The following ABCC2 variants were observed in gnomAD, a reference collection of about 807,000 sequenced individuals.
ABCC2 encodes ATP binding cassette subfamily C member 2, also known as ATP-binding cassette sub-family C member 2.
ABCC2 carries 157 observed loss-of-function variants against 173.4 expected under a neutral mutation model. The observed-to-expected ratio is 0.91, with a 90% CI of 0.80 to 1.03. The LOEUF is 1.03. Among genes scored for constraint, ABCC2 ranks in the 50% least tolerant of loss-of-function variants. ABCC2 has a pLI of 0.00. For synonymous variants in ABCC2, 657 were observed against 693.5 expected, an observed-to-expected ratio of 0.95 and a Z score of 0.83; for missense variants, 1,822 against 1,852.3, an observed-to-expected ratio of 0.98 and a Z score of 0.30.
chr10:99,825,469 C>A (rs923648670), intron 19 of ABCC2, among the ~76,000 whole-genome samples: 2 of 152,290 alleles, frequency 1.3e-5, no homozygotes, highest in African/African-American at 4.8e-5. Flanking sequence ...TCTCTGAGAC[C>A]TGACTTGCCC....
chr10:99,807,684 T>A (rs763292630), intron 12 of ABCC2, among the ~76,000 whole-genome samples, 163 bp downstream of exon 12: 1 of 152,240 alleles, frequency 6.6e-6, no homozygotes, highest in African/African-American at 2.4e-5. Flanking sequence ...TCCTCCTTTG[T>A]ACCATACCCC....
intron 19 of ABCC2, among the ~76,000 whole-genome samples, chr10:99,820,517 G>A (rs2133084830): frequency 6.6e-6 from 1 of 152,274 alleles, no homozygotes; most frequent in East Asian, 1.9e-4. Context: ...CCAGCCCTTT[G>A]GAGGCCAAGG....
chr10:99,800,073 G>A (rs1382030663), intron 8 of ABCC2, among the ~76,000 whole-genome samples: 2 of 152,198 alleles, frequency 1.3e-5, no homozygotes, highest in African/African-American at 4.8e-5. Context: ...GATGGCGTAT[G>A]CCTGTAGACC....
chr10:99,832,937 T>G (rs2038764174), intron 23 of ABCC2, among the ~76,000 whole-genome samples: 1 of 152,224 alleles, frequency 6.6e-6, no homozygotes, highest in South Asian at 2.1e-4. Flanking sequence ...CTCACTGATT[T>G]TTTAGTGTAT....
chr10:99,818,691 C>G, intron 17 of ABCC2, 99 bp from the exon 18 acceptor site: 1 of 1,331,848 alleles, frequency 7.5e-7, no homozygotes. Context: ...CCCCTTGACA[C>G]CTTATTGAGA....
chr10:99,800,304 T>C, intron 8 of ABCC2, 82 bp from the exon 9 acceptor site: 1 of 1,418,056 alleles, frequency 7.1e-7, no homozygotes, highest in Non-Finnish European at 9.9e-7. Flanking sequence ...GTAAAGATAG[T>C]GTAGTCTAGC....
intron 19 of ABCC2, among the ~76,000 whole-genome samples, chr10:99,827,946 C>T (rs1427985180): frequency 4.1e-3 from 2 of 486 alleles, no homozygotes; most frequent in East Asian, 0.045. Flanking sequence ...AAAGCCTCCA[C>T]GTTGGGCACC....
chr10:99,799,281 G>C lies in ABCC2; in HGVS notation c.942G>C (p.Leu314=), dbSNP rs770919031. 5 of 1,614,142 alleles carry C rather than the reference G, an allele frequency of 3.1e-6. No individual in the cohort carries two copies. The highest frequency in any genetic ancestry group is 4.2e-6 in the Non-Finnish European group (5 of 1,180,008). Residue 314 remains leucine (L), a synonymous_variant, in exon 8 of 32, where the codon CTG becomes CTC. Coordinates refer to ENST00000647814, the MANE Select transcript of ABCC2 (RefSeq NM_000392.5). ...DVPKSWLMKA[L]FKTFYMVLLK... ...CAAAATCCTGGTTGATGAAGGCTCT[G>C]TTCAAAACTTTCTACATGGTGCTCC...
intron 16 of ABCC2, among the ~76,000 whole-genome samples, chr10:99,815,026 G>A (rs1269277499): frequency 6.7e-5 from 10 of 148,942 alleles, no homozygotes; most frequent in Non-Finnish European, 1.5e-5. Flanking sequence ...GTGTAGGTTT[G>A]TTACATAGGT....
At chr10:99,815,045 G>T (rs569433118) in intron 16 of ABCC2, among the ~76,000 whole-genome samples, 3 of 151,166 alleles carry the variant, frequency 2.0e-5, no homozygotes, top group African/African-American at 7.3e-5. Context: ...GTGTACATGT[G>T]CCATGGTGGT....
At chr10:99,786,443 T>C (rs2037711825) in intron 2 of ABCC2, among the ~76,000 whole-genome samples, 1 of 152,222 alleles carries the variant, frequency 6.6e-6, no homozygotes, top group Admixed American at 6.5e-5. Context: ...CTTCTTCTAC[T>C]TTCTGGAGCT....
chr10:99,792,370 T>TA lies in ABCC2; in HGVS notation c.333+12dup. 6.2e-7 allele frequency: 1 copy of TA among 1,613,824 alleles called. No individual in the cohort carries two copies. Among genetic ancestry groups the TA allele is most frequent in the Non-Finnish European group, 8.5e-7 (1 of 1,179,764 alleles). ...TACCTAGGCACATGGGTAAGACCTA[T>TA]ACCACTTCTGCCCTGTTTACCTTTT... On this transcript the variant is annotated intron_variant, in intron 3 of 31. Transcript: ENST00000647814.
intron 2 of ABCC2, among the ~76,000 whole-genome samples, chr10:99,792,008 A>G (rs1445341029): frequency 2.6e-5 from 4 of 152,276 alleles, no homozygotes; most frequent in African/African-American, 4.8e-5. Context: ...ATCTGCAGAC[A>G]TATTTTAAAA....
intron 30 of ABCC2, among the ~76,000 whole-genome samples, chr10:99,848,622 CACTTTAGCA>C (rs2039050005): frequency 6.6e-6 from 1 of 152,250 alleles, no homozygotes. Flanking sequence ...TCAGAATCCG[CACTTTAGCA>C]AGATTCCCAG....
chr10:99,792,441 A>T, intron 3 of ABCC2, 82 bp downstream of exon 3: 1 of 1,579,192 alleles, frequency 6.3e-7, no homozygotes, highest in Non-Finnish European at 8.7e-7. Flanking sequence ...TGGGGATGAA[A>T]TTAATTCCAA....
intron 1 of ABCC2, among the ~76,000 whole-genome samples, chr10:99,784,298 CCTT>C (rs1008555762): frequency 3.3e-5 from 5 of 152,208 alleles, no homozygotes; most frequent in African/African-American, 1.2e-4. Context: ...GGGGAACAGT[CCTT>C]CTTCATCCTA....
At chr10:99,841,939 C>T (rs758774779) in intron 25 of ABCC2, 28 bp from the exon 26 acceptor site, 33 of 1,613,980 alleles carry the variant, frequency 2.0e-5, no homozygotes, top group South Asian at 9.9e-5. Context: ...ATCAGTGACA[C>T]GCACTCTCTG....
chr10:99,819,018 A>G (rs2038476914), intron 18 of ABCC2, 61 bp downstream of exon 18: 1 of 1,611,258 alleles, frequency 6.2e-7, no homozygotes, highest in Admixed American at 1.7e-5. Flanking sequence ...AGGGGAGGAC[A>G]TGTCTGGCAA....
rs2037860863 is a variant in ABCC2 at position 99,794,396 on chromosome 10, T to A, written c.577-17T>A. The A allele has an allele frequency of 1.2e-6, 2 of 1,612,668 alleles. No homozygotes were observed. The highest frequency in any genetic ancestry group is 1.3e-5 in the African/African-American group (1 of 74,872). ...GTCTCCAATTGGTTTACATTTCGAT[T>A]TTTTTGTGTCTTTCAGAATCCATCA... is the stretch of plus-strand genomic sequence containing the variant. On this transcript the variant is annotated splice_polypyrimidine_tract_variant and intron_variant, in intron 5 of 31. Transcript: ENST00000647814.
Sources: gnomAD v4.1 joint callset for allele counts (sites outside exome capture counted in the v4.1 genomes callset) on GRCh38, gnomAD v4.1.1 for gene constraint, MANE v1.5 for transcripts, NCBI Gene and HGNC (gene_info 2026-07-23, HGNC 2026-07-21) for gene names.